The following WDR7 variants were observed in gnomAD, a reference collection of about 807,000 sequenced individuals.
WDR7 encodes the protein WD repeat-containing protein 7.
In WDR7, 46 loss-of-function variants were observed where a neutral mutation model predicts 169.4. The observed-to-expected ratio is 0.27, with a 90% CI of 0.21 to 0.35. The LOEUF (loss-of-function observed/expected upper bound fraction) is 0.35. Among genes scored for constraint, WDR7 ranks in the 10% least tolerant of loss-of-function variants. WDR7 has a pLI of 1.00. For missense variants in WDR7, 1,534 were observed against 1,859.3 expected (o/e 0.83, Z 3.22); for synonymous variants, 612 against 666.8 (o/e 0.92, Z 1.27).
At chr18:56,748,246 A>G (rs1039740469) in intron 14 of WDR7, among the ~76,000 whole-genome samples, 3 of 152,098 alleles carry the variant, frequency 2.0e-5, no homozygotes, top group Admixed American at 6.5e-5. Flanking sequence ...TGGAAGATAG[A>G]AGGATTGATA....
At chr18:56,783,350 A>G (rs1211553524) in intron 19 of WDR7, among the ~76,000 whole-genome samples, 1 of 152,186 alleles carries the variant, frequency 6.6e-6, no homozygotes, top group Non-Finnish European at 1.5e-5. Flanking sequence ...TTCTTTGTTC[A>G]TAATTTGTGG....
intron 25 of WDR7, among the ~76,000 whole-genome samples, chr18:56,948,968 T>C (rs1406591071): frequency 1.3e-5 from 2 of 152,194 alleles, no homozygotes; most frequent in East Asian, 3.8e-4. Context: ...AAGTGTATTT[T>C]GTTCTCTTGT....
chr18:56,856,853 G>T (rs1025716864), intron 20 of WDR7, among the ~76,000 whole-genome samples: 3 of 152,068 alleles, frequency 2.0e-5, no homozygotes, highest in African/African-American at 7.2e-5. Context: ...TTTTAGCTGA[G>T]ACCACAGCTA....
intron 18 of WDR7, among the ~76,000 whole-genome samples, chr18:56,781,059 T>A (rs923935352): frequency 6.6e-6 from 1 of 152,174 alleles, no homozygotes; most frequent in Non-Finnish European, 1.5e-5. Context: ...TGTTAACTTA[T>A]ACGTATTTGT....
intron 16 of WDR7, among the ~76,000 whole-genome samples, chr18:56,764,976 A>T (rs1371801967): frequency 6.6e-6 from 1 of 151,868 alleles, no homozygotes; most frequent in Admixed American, 6.6e-5. Context: ...TGATTATTTG[A>T]CCCTCGTCAT....
chr18:56,958,253 C>T (rs1028836828), intron 25 of WDR7, among the ~76,000 whole-genome samples: 2 of 152,104 alleles, frequency 1.3e-5, no homozygotes, highest in Admixed American at 1.3e-4. Context: ...GTGGGTTGCT[C>T]CTCAATAGTT....
chr18:56,813,434 C>G (rs2044909949), intron 19 of WDR7, among the ~76,000 whole-genome samples: 1 of 151,376 alleles, frequency 6.6e-6, no homozygotes, highest in Non-Finnish European at 1.5e-5. Context: ...TTATCAAGTT[C>G]CTCTGTATTC....
intron 1 of WDR7, among the ~76,000 whole-genome samples, chr18:56,670,334 T>G (rs1465124642): frequency 6.6e-6 from 1 of 152,170 alleles, no homozygotes; most frequent in Non-Finnish European, 1.5e-5. Context: ...GGCCATTTAG[T>G]ACCCTATACT....
intron 20 of WDR7, among the ~76,000 whole-genome samples, chr18:56,840,658 A>G (rs1293996180): frequency 1.3e-5 from 2 of 149,904 alleles, no homozygotes; most frequent in Non-Finnish European, 3.0e-5. Flanking sequence ...CTATCTCTAC[A>G]AAAAATACAA....
chr18:56,818,398 G>T (rs1198129924), intron 20 of WDR7, among the ~76,000 whole-genome samples: 1 of 152,164 alleles, frequency 6.6e-6, no homozygotes, highest in East Asian at 1.9e-4. Context: ...AATCTAATTT[G>T]AAGAGTCTAT....
chr18:56,962,398 T>A, intron 25 of WDR7, 32 bp from the exon 26 acceptor site: 1 of 1,603,890 alleles, frequency 6.2e-7, no homozygotes, highest in South Asian at 1.1e-5. Context: ...GGCTTCTTGT[T>A]TTTGTTTTTG....
At chr18:56,910,992 G>A (rs1322746175) in intron 21 of WDR7, among the ~76,000 whole-genome samples, 1 of 152,090 alleles carries the variant, frequency 6.6e-6, no homozygotes. Flanking sequence ...GTTTGACATT[G>A]ACATCTCTTC....
At chr18:56,766,887 C>T (rs2044076798) in intron 16 of WDR7, among the ~76,000 whole-genome samples, 1 of 152,110 alleles carries the variant, frequency 6.6e-6, no homozygotes, top group Admixed American at 6.5e-5. Flanking sequence ...ATTAATTATT[C>T]TCCTCCTTGT....
intron 25 of WDR7, among the ~76,000 whole-genome samples, chr18:56,958,290 C>A (rs568359507): frequency 6.6e-6 from 1 of 152,122 alleles, no homozygotes; most frequent in Non-Finnish European, 1.5e-5. Flanking sequence ...CTCGGAAGAA[C>A]TGGATTGTAT....
intron 26 of WDR7, among the ~76,000 whole-genome samples, chr18:57,015,776 C>T (rs995561303): frequency 6.6e-6 from 1 of 152,204 alleles, no homozygotes; most frequent in South Asian, 2.1e-4. Flanking sequence ...TGCCGGGTAT[C>T]ATTAAGTGGG....
At chr18:56,817,745 C>T (rs933541490) in intron 20 of WDR7, among the ~76,000 whole-genome samples, 2 of 149,698 alleles carry the variant, frequency 1.3e-5, no homozygotes, top group Non-Finnish European at 3.0e-5. Flanking sequence ...ATTTTCTTTG[C>T]AGATTTTTTT....
chr18:56,759,771 G>A (rs771052201), intron 16 of WDR7, among the ~76,000 whole-genome samples: 1 of 151,974 alleles, frequency 6.6e-6, no homozygotes, highest in Non-Finnish European at 1.5e-5. Context: ...TTTTTTTTAA[G>A]TTTGAAAGAG....
In WDR7 at chr18:56,653,236, C is replaced by T. The variant is rs559383331; in HGVS notation, c.-20+1660C>T. Among the ~76,000 whole-genome samples, 20 of 151,606 alleles carry T rather than the reference C, an allele frequency of 1.3e-4. No homozygotes were observed. In the South Asian group the frequency reaches 3.1e-3, roughly 24 times the overall value. Reference sequence around the variant, plus strand: ...TCTTTTTTTTTTTTAGATGGAGTTTCGCTCTTATTGCCCAGGCTGGAGTGC... The same window carrying T: ...TCTTTTTTTTTTTTAGATGGAGTTTTGCTCTTATTGCCCAGGCTGGAGTGC... On this transcript the variant is annotated intron_variant, in intron 1 of 27. Transcript: ENST00000254442.
intron 19 of WDR7, among the ~76,000 whole-genome samples, chr18:56,799,196 A>C (rs148757870): frequency 6.6e-6 from 1 of 152,212 alleles, no homozygotes; most frequent in African/African-American, 2.4e-5. Context: ...AAAATAGAGT[A>C]TTTGGAGGTG....
Sources: gnomAD v4.1 joint callset for allele counts (sites outside exome capture counted in the v4.1 genomes callset) on GRCh38, gnomAD v4.1.1 for gene constraint, MANE v1.5 for transcripts, NCBI Gene and HGNC (gene_info 2026-07-23, HGNC 2026-07-21) for gene names.